FARS2: variants seen among roughly 807,000 people sequenced by gnomAD.
FARS2 encodes phenylalanine--tRNA ligase, mitochondrial.
Under a neutral mutation model 46.4 loss-of-function variants are expected in FARS2, and 40 were observed. The observed-to-expected ratio is 0.86, with a 90% CI of 0.67 to 1.12. The LOEUF is 1.12. Among genes scored for constraint, FARS2 ranks in the 50% most tolerant of loss-of-function variants. The pLI, the probability that FARS2 is intolerant of heterozygous loss-of-function variation, is 0.00. For missense variants in FARS2, 513 were observed against 567.9 expected (o/e 0.90, Z 0.98); for synonymous variants, 234 against 214.9 (o/e 1.09, Z -0.78).
At chr6:5,733,403 G>A (rs536742123) in intron 6 of FARS2, among the ~76,000 whole-genome samples, 27 of 152,296 alleles carry the variant, frequency 1.8e-4, no homozygotes, top group African/African-American at 6.0e-4. Context: ...AGGAGGTCAC[G>A]TGGGCCATTT....
At chr6:5,560,890 G>A (rs556380586) in intron 5 of FARS2, among the ~76,000 whole-genome samples, 2 of 152,192 alleles carry the variant, frequency 1.3e-5, no homozygotes, top group East Asian at 3.9e-4. Context: ...ACACTCTGGG[G>A]GACAGAGGCA....
rs544051150 is a variant in FARS2 at position 5,626,809 on chromosome 6, A to G, written c.1217+13489A>G. Among the ~76,000 whole-genome samples, 4 of 152,344 alleles carry G rather than the reference A, an allele frequency of 2.6e-5. No homozygotes were observed. In the East Asian group the frequency reaches 7.7e-4, roughly 29 times the overall value. On this transcript the variant is annotated intron_variant, in intron 6 of 6. Transcript: ENST00000274680. The stretch of plus-strand genomic sequence containing the variant: ...TAACGACGGGGATACATTCTGAGAA[A>G]TTCGTCATTAGATTTTGTTATGTAA...
upstream of FARS2, among the ~76,000 whole-genome samples, chr6:5,257,919 A>G (rs183132058): frequency 1.8e-3 from 270 of 152,348 alleles, 2 homozygotes; most frequent in South Asian, 3.5e-3. Flanking sequence ...ACACACAGCA[A>G]TGAGACCTGT....
At chr6:5,600,213 G>A (rs1312517186) in intron 5 of FARS2, among the ~76,000 whole-genome samples, 1 of 152,152 alleles carries the variant, frequency 6.6e-6, no homozygotes, top group Non-Finnish European at 1.5e-5. Context: ...CAGAATGATT[G>A]TTCCATATGA....
At chr6:5,333,324 A>C (rs1193747830) in intron 1 of FARS2, among the ~76,000 whole-genome samples, 1 of 152,172 alleles carries the variant, frequency 6.6e-6, no homozygotes, top group Non-Finnish European at 1.5e-5. Flanking sequence ...GCAGATAAGG[A>C]CATCGTGATT....
chr6:5,601,649 G>A (rs1774527291), intron 5 of FARS2, among the ~76,000 whole-genome samples: 1 of 151,696 alleles, frequency 6.6e-6, no homozygotes, highest in African/African-American at 2.4e-5. Context: ...ACTGGCTGTT[G>A]GACCTTAGAC....
intron 4 of FARS2, among the ~76,000 whole-genome samples, chr6:5,486,394 C>T (rs1231253084): frequency 6.6e-6 from 1 of 152,138 alleles, no homozygotes; most frequent in African/African-American, 2.4e-5. Context: ...CTTGTTATGA[C>T]TTGTTTTTAT....
intron 2 of FARS2, among the ~76,000 whole-genome samples, chr6:5,403,312 G>C (rs1250669847): frequency 2.0e-5 from 3 of 152,104 alleles, no homozygotes; most frequent in African/African-American, 7.2e-5. Flanking sequence ...ACAAGGACTG[G>C]TTTACTTTTG....
At chr6:5,621,666 G>T (rs1035403567) in intron 6 of FARS2, among the ~76,000 whole-genome samples, 1 of 152,204 alleles carries the variant, frequency 6.6e-6, no homozygotes, top group Non-Finnish European at 1.5e-5. Flanking sequence ...TTATGAATGG[G>T]ATGTACACAG....
At chr6:5,514,948 G>GT (rs5873986) in intron 4 of FARS2, among the ~76,000 whole-genome samples, 53,259 of 147,824 alleles carry the variant, frequency 0.36, 10,373 homozygotes, top group Non-Finnish European at 0.45. Flanking sequence ...TTTGTTTTTT[G>GT]TTTTTTTTTT....
rs934332612 is a variant in FARS2 at position 5,399,120 on chromosome 6, A to ATAT, written c.613-5417_613-5415dup. On this transcript the variant is annotated intron_variant, in intron 2 of 6. Coordinates refer to ENST00000274680, the MANE Select transcript of FARS2 (RefSeq NM_006567.5). ...TTCTTCCCACCTCTGGGTAGATTTT[A>ATAT]TATTATTTTATTATTATTATTATTA... 1.5e-3 allele frequency among the ~76,000 whole-genome samples: 206 copies of ATAT among 135,370 alleles called. 1 individual carries two copies. The highest frequency in any genetic ancestry group is 7.8e-3 in the Middle Eastern group (2 of 256). 88.8% of individuals were successfully genotyped at this position (135,370 alleles called of 152,430 possible). A position where few individuals can be genotyped will look rare whatever the true frequency, so the allele number is the denominator to read the frequency against.
At chr6:5,286,062 G>A (rs1364153981) in intron 1 of FARS2, among the ~76,000 whole-genome samples, 1 of 152,012 alleles carries the variant, frequency 6.6e-6, no homozygotes, top group African/African-American at 2.4e-5. Flanking sequence ...CAGGATAAAG[G>A]TAACCTTTTT....
At chr6:5,305,141 G>T (rs1034608485) in intron 1 of FARS2, among the ~76,000 whole-genome samples, 1 of 152,228 alleles carries the variant, frequency 6.6e-6, no homozygotes, top group African/African-American at 2.4e-5. Flanking sequence ...CCTAGGCTCA[G>T]TGGGAAAGAT....
intron 4 of FARS2, among the ~76,000 whole-genome samples, chr6:5,526,102 C>T (rs1769449696): frequency 6.6e-6 from 1 of 152,156 alleles, no homozygotes. Flanking sequence ...GATTGGTGCT[C>T]CAGAGCCACA....
At chr6:5,268,366 C>G (rs1343301836) in intron 1 of FARS2, among the ~76,000 whole-genome samples, 1 of 152,114 alleles carries the variant, frequency 6.6e-6, no homozygotes, top group Admixed American at 6.6e-5. Flanking sequence ...TAATCCATCT[C>G]ACATTAATTT....
intron 5 of FARS2, among the ~76,000 whole-genome samples, chr6:5,560,278 A>G (rs1771913878): frequency 6.6e-6 from 1 of 152,144 alleles, no homozygotes; most frequent in Non-Finnish European, 1.5e-5. Flanking sequence ...TGTTGCTACA[A>G]ATGAATGCTA....
At chr6:5,638,217 A>G (rs77812352) in intron 6 of FARS2, among the ~76,000 whole-genome samples, 1 of 152,210 alleles carries the variant, frequency 6.6e-6, no homozygotes. Flanking sequence ...GAAAAGAGCT[A>G]CTACAGGTAC....
At chr6:5,523,064 C>T (rs1769241926) in intron 4 of FARS2, among the ~76,000 whole-genome samples, 1 of 152,134 alleles carries the variant, frequency 6.6e-6, no homozygotes, top group African/African-American at 2.4e-5. Flanking sequence ...CTGGACTCAG[C>T]GGAAGTAAAC....
chr6:5,307,402 C>CAAAAAA (rs966836307), intron 1 of FARS2, among the ~76,000 whole-genome samples: 1 of 152,036 alleles, frequency 6.6e-6, no homozygotes, highest in African/African-American at 2.4e-5. Flanking sequence ...TGCATTAGTT[C>CAAAAAA]TTTGGGATAT....
Sources: gnomAD v4.1 joint callset for allele counts (sites outside exome capture counted in the v4.1 genomes callset) on GRCh38, gnomAD v4.1.1 for gene constraint, MANE v1.5 for transcripts, NCBI Gene and HGNC (gene_info 2026-07-23, HGNC 2026-07-21) for gene names.